Variants in LEPR observed in about 807,000 individuals in gnomAD.
The protein encoded by LEPR is leptin receptor.
LEPR carries 56 observed loss-of-function variants against 114.7 expected under a neutral mutation model. The observed-to-expected ratio is 0.49, with a 90% CI of 0.39 to 0.61. LEPR has a LOEUF of 0.61. LEPR is among the 20% of genes least tolerant of loss of function. The pLI, the probability that LEPR is intolerant of heterozygous loss-of-function variation, is 0.00. For missense variants in LEPR, 1,202 were observed against 1,352.9 expected (o/e 0.89, Z 1.75); for synonymous variants, 443 against 461.4 (o/e 0.96, Z 0.51).
chr1:65,528,867 C>T (rs1344635315), intron 2 of LEPR, among the ~76,000 whole-genome samples: 3 of 152,088 alleles, frequency 2.0e-5, no homozygotes, highest in Non-Finnish European at 4.4e-5. Context: ...TGCAATGGCT[C>T]GATCCCAGCT....
At chr1:65,593,814 G>A (rs913561174) in intron 6 of LEPR, among the ~76,000 whole-genome samples, 5 of 152,136 alleles carry the variant, frequency 3.3e-5, no homozygotes, top group East Asian at 3.9e-4. Flanking sequence ...CAATTCAATC[G>A]TGAAGTTATA....
Position 65,621,394 on chromosome 1 carries a change from A to G in LEPR, c.2533A>G (p.Ile845Val). 1 of 1,613,416 alleles carries G rather than the reference A, an allele frequency of 6.2e-7. No individual in the cohort carries two copies. Among genetic ancestry groups the G allele is most frequent in the Non-Finnish European group, 8.5e-7 (1 of 1,179,644 alleles). The change falls in exon 18 of 20, where the codon ATT (isoleucine) becomes GTT (valine). Residue 845 changes from isoleucine (I) to valine (V), a missense_variant. Ile to Val is a conservative substitution (Grantham distance 29). Transcript: ENST00000349533. ...CCAGAGTGATGCAGGTTTATATGTA[A>G]TTGTGCCAGTAATTATTTCCTCTTC... ...KHQSDAGLYV[I>V]VPVIISSSIL...
At chr1:65,531,066 G>C (rs1042295143) in intron 2 of LEPR, among the ~76,000 whole-genome samples, 1 of 152,126 alleles carries the variant, frequency 6.6e-6, no homozygotes, top group African/African-American at 2.4e-5. Context: ...TTCACACAGA[G>C]TAAAAACCAA....
chr1:65,623,955 C>T (rs991932729), intron 19 of LEPR, among the ~76,000 whole-genome samples: 3 of 152,084 alleles, frequency 2.0e-5, no homozygotes, highest in African/African-American at 7.2e-5. Flanking sequence ...CTCAAGCCTT[C>T]CTTTAACCAG....
chr1:65,527,398 T>G (rs1650046248), intron 2 of LEPR, among the ~76,000 whole-genome samples: 2 of 152,212 alleles, frequency 1.3e-5, no homozygotes, highest in African/African-American at 4.8e-5. Context: ...CACAAAAGTG[T>G]CTACAGTGAG....
intron 2 of LEPR, among the ~76,000 whole-genome samples, chr1:65,549,889 C>T (rs1652152484): frequency 6.6e-6 from 1 of 152,176 alleles, no homozygotes; most frequent in Admixed American, 6.5e-5. Context: ...GAGAGGCGCT[C>T]TGCTTTTTAG....
intron 2 of LEPR, among the ~76,000 whole-genome samples, chr1:65,555,983 T>C (rs908204015): frequency 3.9e-5 from 6 of 152,194 alleles, no homozygotes; most frequent in Non-Finnish European, 8.8e-5. Flanking sequence ...GTGGTCTGAA[T>C]GTTTGTGCCA....
Position 65,433,359 on chromosome 1 carries a change from T to C in LEPR, c.-21+7981T>C, listed in dbSNP as rs1472279573. On this transcript the variant is annotated intron_variant, in intron 2 of 19. Transcript: ENST00000349533. ...CTTTATGCCACCCTTAAATGAATCA[T>C]TGGGTATACCTGTCATGTTGGATCC... The C allele has an allele frequency of 5.1e-6, 5 of 985,288 alleles. No individual in the cohort carries two copies. In the East Asian group the frequency reaches 3.4e-4, roughly 67 times the overall value. 61.0% of individuals were successfully genotyped at this position (985,288 alleles called of 1,614,324 possible).
intron 2 of LEPR, among the ~76,000 whole-genome samples, chr1:65,466,276 A>C (rs756359672): frequency 6.6e-6 from 1 of 152,050 alleles, no homozygotes; most frequent in Non-Finnish European, 1.5e-5. Flanking sequence ...TTTCTCCTTC[A>C]CTTAGGAAGC....
intron 3 of LEPR, among the ~76,000 whole-genome samples, chr1:65,565,864 GACTC>G (rs897764687): frequency 1.1e-3 from 144 of 135,784 alleles, no homozygotes; most frequent in African/African-American, 3.7e-3. Flanking sequence ...CACACACACA[GACTC>G]ACACACACAG....
intron 10 of LEPR, among the ~76,000 whole-genome samples, chr1:65,602,703 C>T (rs1656524412): frequency 1.3e-5 from 2 of 152,006 alleles, no homozygotes; most frequent in African/African-American, 4.8e-5. Context: ...ATTTGTATAA[C>T]ATGCTCATTT....
Position 65,610,025 on chromosome 1 carries a change from G to T in LEPR, c.1831G>T (p.Val611Leu), listed in dbSNP as rs1315089271. 1.2e-6 allele frequency: 2 copies of T among 1,614,074 alleles called. No homozygotes were observed. Among genetic ancestry groups the T allele is most frequent in the African/African-American group, 2.7e-5 (2 of 74,934 alleles). The change falls in exon 13 of 20, where the codon GTG becomes TTG. Residue 611 changes from valine (V) to leucine (L), a missense_variant. Val to Leu is a conservative substitution (Grantham distance 32). Coordinates refer to ENST00000349533, the MANE Select transcript of LEPR (RefSeq NM_002303.6). ...CTTGTGTGCAGTCTATGCTGTTCAGGTGCGCTGTAAGAGGCTAGATGGACT... is the reference window on the plus strand; with the variant it reads ...CTTGTGTGCAGTCTATGCTGTTCAGTTGCGCTGTAAGAGGCTAGATGGACT... ...PDLCAVYAVQ[V>L]RCKRLDGLGY... is the part of the protein sequence containing the mutation.
At chr1:65,613,289 T>C (rs1464897774) in intron 14 of LEPR, among the ~76,000 whole-genome samples, 3 of 152,184 alleles carry the variant, frequency 2.0e-5, no homozygotes, top group Non-Finnish European at 4.4e-5. Context: ...GTGGGGTTTT[T>C]TATTTTAATT....
In LEPR at chr1:65,633,327, G is replaced by T; in HGVS notation, c.2674-2864G>T. 1 of 1,406,084 alleles carries T rather than the reference G, an allele frequency of 7.1e-7. No individual in the cohort carries two copies. The highest frequency in any genetic ancestry group is 1.8e-5 in the South Asian group (1 of 56,596). The allele number at this position is 1,406,084 out of a possible 1,614,324, so 87.1% of individuals were successfully genotyped here. ...ACATATGGTGGATTATGTTGATTTA[G>T]AACTTAAAATAGATGTGTAAATTTG... On this transcript the variant is annotated intron_variant, in intron 19 of 19. Coordinates refer to ENST00000349533, the MANE Select transcript of LEPR (RefSeq NM_002303.6). This position sits in a 1 kb window ranked among gnomAD's most constrained non-coding sequence, Gnocchi z 4.1.
chr1:65,482,716 G>A (rs891854078), intron 2 of LEPR, among the ~76,000 whole-genome samples: 2 of 152,100 alleles, frequency 1.3e-5, no homozygotes, highest in African/African-American at 4.8e-5. Context: ...GGCTGGGTGC[G>A]ATGGCTCAAG....
chr1:65,477,217 T>C lies in LEPR; in HGVS notation c.-21+51839T>C, dbSNP rs541518027. The stretch of plus-strand genomic sequence containing the variant: ...GTTTTCTCCAAAGAATTTCTTACCT[T>C]CTATTTATTAATTACTTTTTAATTT... On this transcript the variant is annotated intron_variant, in intron 2 of 19. Coordinates refer to ENST00000349533, the MANE Select transcript of LEPR (RefSeq NM_002303.6). 2.0e-5 allele frequency among the ~76,000 whole-genome samples: 3 copies of C among 152,284 alleles called. No individual in the cohort carries two copies. In the East Asian group the frequency reaches 5.8e-4, roughly 29 times the overall value.
intron 2 of LEPR, among the ~76,000 whole-genome samples, chr1:65,547,452 T>C (rs1324408995): frequency 5.9e-5 from 9 of 151,358 alleles, no homozygotes; most frequent in African/African-American, 1.2e-4. Context: ...TCTTTTTGGT[T>C]GGTAAGCTAT....
intron 2 of LEPR, among the ~76,000 whole-genome samples, chr1:65,518,063 G>A (rs1490525991): frequency 3.3e-5 from 5 of 152,154 alleles, no homozygotes; most frequent in South Asian, 2.1e-4. Flanking sequence ...TTCTCCAGAG[G>A]TTTTTGTTGA....
At chr1:65,554,600 G>A (rs894312417) in intron 2 of LEPR, among the ~76,000 whole-genome samples, 1 of 152,114 alleles carries the variant, frequency 6.6e-6, no homozygotes, top group Admixed American at 6.5e-5. Context: ...TTTCTGCTGT[G>A]CTGGCAGGGA....
Sources: allele counts gnomAD v4.1 joint callset (sites outside exome capture counted in the v4.1 genomes callset), GRCh38; gene constraint gnomAD v4.1.1; non-coding constraint Gnocchi (gnomAD v3.1); transcripts MANE v1.5; gene names NCBI Gene and HGNC (gene_info 2026-07-23, HGNC 2026-07-21).